The following RBP7 variants were observed in gnomAD, a reference collection of about 807,000 sequenced individuals.
The protein encoded by RBP7 is retinol binding protein 7, also known as retinoid-binding protein 7.
Under a neutral mutation model 16.7 loss-of-function variants are expected in RBP7, and 13 were observed. That is an observed-to-expected ratio of 0.78 (90% confidence interval 0.51 to 1.24). The LOEUF is 1.24. RBP7 is among the 50% of genes most tolerant of loss of function. The pLI is 0.00. For missense variants in RBP7, 145 were observed against 159.5 expected, an observed-to-expected ratio of 0.91 and a Z score of 0.49; for synonymous variants, 54 against 56.2, an observed-to-expected ratio of 0.96 and a Z score of 0.17.
At chr1:10,004,612 G>T (rs1168861173) in intron 1 of RBP7, among the ~76,000 whole-genome samples, 4 of 151,682 alleles carry the variant, frequency 2.6e-5, no homozygotes, top group Admixed American at 2.0e-4. Flanking sequence ...TGCCCGCCTC[G>T]GCCTCCCGAA....
intron 1 of RBP7, among the ~76,000 whole-genome samples, chr1:10,006,812 A>G (rs1642456465): frequency 6.8e-6 from 1 of 146,146 alleles, no homozygotes; most frequent in Admixed American, 6.9e-5. Context: ...GTGGTTTTTG[A>G]GTTTTGTTTT....
rs369283330 is a variant in RBP7, at chr1:10,003,149, G to A, written c.74-4421G>A. 3.2e-4 allele frequency among the ~76,000 whole-genome samples: 49 copies of A among 152,224 alleles called. 1 individual carries two copies. The highest frequency in any genetic ancestry group is 1.1e-3 in the African/African-American group (46 of 41,564). On this transcript the variant is annotated intron_variant, in intron 1 of 3. Coordinates refer to ENST00000294435, the MANE Select transcript of RBP7 (RefSeq NM_052960.3). ...TGTCTGCATAAACCACCCGTTAGCC[G>A]GGCATGGTGGCTCACGCCTGTAATC...
intron 1 of RBP7, among the ~76,000 whole-genome samples, chr1:10,006,383 G>A (rs1259052725): frequency 6.6e-6 from 1 of 152,004 alleles, no homozygotes; most frequent in Non-Finnish European, 1.5e-5. Context: ...GGTGGCATGT[G>A]CCTGTAGTCC....
chr1:10,011,290 A>C (rs1246869576), intron 3 of RBP7, among the ~76,000 whole-genome samples: 1 of 152,190 alleles, frequency 6.6e-6, no homozygotes, highest in Non-Finnish European at 1.5e-5. Flanking sequence ...TGGGAAAAAA[A>C]AAGAGAGAAG....
rs1642193296 is a variant in RBP7, at chr1:9,997,386, A to C, written c.73+55A>C. ...GAGGCTCGCCGTGGGTCTCGGGATC[A>C]GGCGAAGGCGGCCGGGCCGGGCCTG... On this transcript the variant is annotated intron_variant, in intron 1 of 3. Transcript: ENST00000294435. The surrounding 1 kb of genome is among the most constrained non-coding windows in gnomAD (Gnocchi z 5.9). The C allele has an allele frequency of 3.9e-6, 6 of 1,558,132 alleles. No individual in the cohort carries two copies. The South Asian group carries it at 4.5e-5, about 12-fold the overall frequency.
intron 1 of RBP7, among the ~76,000 whole-genome samples, chr1:10,006,343 C>A (rs748610448): frequency 6.6e-6 from 1 of 151,722 alleles, no homozygotes; most frequent in African/African-American, 2.4e-5. Flanking sequence ...TTGATCTCTA[C>A]AAAAAAATAT....
chr1:10,011,453 T>TC (rs1642617275), intron 3 of RBP7, among the ~76,000 whole-genome samples: 1 of 152,194 alleles, frequency 6.6e-6, no homozygotes, highest in East Asian at 1.9e-4. Context: ...CAGCGGCCTT[T>TC]CACATGACTC....
intron 1 of RBP7, among the ~76,000 whole-genome samples, chr1:10,000,442 G>A (rs967687776): frequency 6.6e-6 from 1 of 151,756 alleles, no homozygotes; most frequent in South Asian, 2.1e-4. Context: ...GCTGAGGCAC[G>A]AGAATCGCTT....
rs1321791029 is a variant in RBP7 at position 9,997,400 on chromosome 1, GGGCC to G, written c.73+72_73+75del. The G allele has an allele frequency of 9.4e-6, 14 of 1,488,074 alleles. No individual in the cohort carries two copies. Among genetic ancestry groups the G allele is most frequent in the Middle Eastern group, 1.9e-4 (1 of 5,394 alleles). 92.2% of individuals were successfully genotyped at this position (1,488,074 alleles called of 1,614,324 possible). ...GTCTCGGGATCAGGCGAAGGCGGCCGGGCCGGGCCTGTAGGTACGTCCTCTGTCC... is the reference window on the plus strand; with the variant it reads ...GTCTCGGGATCAGGCGAAGGCGGCCGGGGCCTGTAGGTACGTCCTCTGTCC... On this transcript the variant is annotated intron_variant, in intron 1 of 3. Coordinates refer to ENST00000294435, the MANE Select transcript of RBP7 (RefSeq NM_052960.3). This position sits in a 1 kb window ranked among gnomAD's most constrained non-coding sequence, Gnocchi z 5.9.
Position 10,007,667 on chromosome 1 carries a change from CCTAAGGAA to C in RBP7, c.175_182del (p.Arg59LeufsTer5). The C allele has an allele frequency of 6.2e-7, 1 of 1,613,778 alleles. No individual in the cohort carries two copies. Among genetic ancestry groups the C allele is most frequent in the Non-Finnish European group, 8.5e-7 (1 of 1,179,880 alleles). On this transcript the variant is annotated frameshift_variant, in exon 2 of 4. Coordinates refer to ENST00000294435, the MANE Select transcript of RBP7 (RefSeq NM_052960.3). LOFTEE classifies it high-confidence loss of function. ...CTTTTACCATCCACACGAACAGCAGCCTAAGGAACTACTTTGTGAAATTTAAAGTTGGA... is the reference window on the plus strand; with the variant it reads ...CTTTTACCATCCACACGAACAGCAGCCTACTTTGTGAAATTTAAAGTTGGA...
At chr1:10,009,882 C>A (rs1035277867) in intron 3 of RBP7, among the ~76,000 whole-genome samples, 3 of 151,844 alleles carry the variant, frequency 2.0e-5, no homozygotes, top group Non-Finnish European at 4.4e-5. Context: ...CTTTCTTTTT[C>A]TTTTTCTTCT....
chr1:10,012,711 A>T (rs558638742), intron 3 of RBP7, among the ~76,000 whole-genome samples: 3 of 152,018 alleles, frequency 2.0e-5, no homozygotes, highest in Admixed American at 2.0e-4. Context: ...AGGCAGGTGG[A>T]TCACCTGAGG....
At chr1:10,009,636 A>T in intron 3 of RBP7, among the ~76,000 whole-genome samples, 1 of 150,618 alleles carries the variant, frequency 6.6e-6, no homozygotes, top group South Asian at 2.1e-4. Flanking sequence ...GGTTCAAGCG[A>T]TCCTCCCACC....
chr1:9,997,931 G>T lies in RBP7; in HGVS notation c.73+600G>T, dbSNP rs1178335605. Among the ~76,000 whole-genome samples, 1 of 152,142 alleles carries T rather than the reference G, an allele frequency of 6.6e-6. No individual in the cohort carries two copies. Among genetic ancestry groups the T allele is most frequent in the African/African-American group, 2.4e-5 (1 of 41,458 alleles). On this transcript the variant is annotated intron_variant, in intron 1 of 3. Coordinates refer to ENST00000294435, the MANE Select transcript of RBP7 (RefSeq NM_052960.3). The surrounding 1 kb of genome is among the most constrained non-coding windows in gnomAD (Gnocchi z 5.9). ...GGCACCCGCGGGAGTGCAGAGCCTG[G>T]TTCGGCCCGGGGCGTGCCCCGACCG...
At position 9,997,390 on chromosome 1, in the gene RBP7, G is replaced by A. The variant is rs528296318; in HGVS notation, c.73+59G>A. The A allele has an allele frequency of 3.2e-4, 499 of 1,545,340 alleles. 5 individuals carry two copies. The African/African-American group carries it at 5.5e-3, about 17-fold the overall frequency. ...CTCGCCGTGGGTCTCGGGATCAGGC[G>A]AAGGCGGCCGGGCCGGGCCTGTAGG... On this transcript the variant is annotated intron_variant, in intron 1 of 3. Transcript: ENST00000294435. This position sits in a 1 kb window ranked among gnomAD's most constrained non-coding sequence, Gnocchi z 5.9.
At chr1:10,002,685 G>A (rs866611339) in intron 1 of RBP7, among the ~76,000 whole-genome samples, 3 of 151,818 alleles carry the variant, frequency 2.0e-5, no homozygotes. Context: ...TTATTTTTTG[G>A]TAGAGATGCG....
At chr1:10,011,551 G>C (rs990829583) in intron 3 of RBP7, among the ~76,000 whole-genome samples, 2 of 152,118 alleles carry the variant, frequency 1.3e-5, no homozygotes, top group African/African-American at 4.8e-5. Flanking sequence ...CACACTGTAG[G>C]GTGAAGATTC....
At chr1:10,001,031 G>A (rs1352320302) in intron 1 of RBP7, among the ~76,000 whole-genome samples, 1 of 152,162 alleles carries the variant, frequency 6.6e-6, no homozygotes, top group Non-Finnish European at 1.5e-5. Context: ...ACCGTGCCTG[G>A]CTGATTGCCT....
chr1:10,000,716 A>C (rs969949563), intron 1 of RBP7, among the ~76,000 whole-genome samples: 4 of 152,096 alleles, frequency 2.6e-5, no homozygotes, highest in Admixed American at 6.6e-5. Flanking sequence ...GGTCTAGGAA[A>C]ATAATAAATG....
Sources: allele counts gnomAD v4.1 joint callset (sites outside exome capture counted in the v4.1 genomes callset), GRCh38; gene constraint gnomAD v4.1.1; non-coding constraint Gnocchi (gnomAD v3.1); transcripts MANE v1.5; gene names NCBI Gene and HGNC (gene_info 2026-07-23, HGNC 2026-07-21).